Variants in TNNT1 observed in about 807,000 individuals in gnomAD.
TNNT1 encodes troponin T1, slow skeletal type.
In TNNT1, 53 loss-of-function variants were observed where a neutral mutation model predicts 50.6. That is an observed-to-expected ratio of 1.05 (90% CI 0.84 to 1.32). TNNT1 has a LOEUF of 1.32. TNNT1 is among the 40% of genes most tolerant of loss of function. The probability of loss-of-function intolerance (pLI) is 0.00; values close to 1 mark genes in which losing one functional copy is unlikely to be tolerated. For missense variants in TNNT1, 348 were observed against 381.7 expected (o/e 0.91, Z 0.74); for synonymous variants, 142 against 138.0 (o/e 1.03, Z -0.20).
chr19:55,146,998 C>A lies in TNNT1; in HGVS notation c.46+10G>T, dbSNP rs1434882332. 1.4e-5 allele frequency: 23 copies of A among 1,607,016 alleles called. No homozygotes were observed. Among genetic ancestry groups the A allele is most frequent in the Non-Finnish European group, 2.0e-5 (23 of 1,177,002 alleles). ...CCCCATCCCATAGGGCCGGCCCACTCCCTACTCACCTTCCGGCTGCTCCCT... is the reference window on the plus strand; with the variant it reads ...CCCCATCCCATAGGGCCGGCCCACTACCTACTCACCTTCCGGCTGCTCCCT... On this transcript the variant is annotated intron_variant, in intron 3 of 13. Transcript: ENST00000588981.
chr19:55,133,412 G>A, intron 13 of TNNT1: 1 of 295,112 alleles, frequency 3.4e-6, no homozygotes, highest in Non-Finnish European at 6.5e-6. Context: ...GGGCGCGGTG[G>A]CTCACGCCTG....
chr19:55,141,505 C>CTT (rs751662002), intron 7 of TNNT1, among the ~76,000 whole-genome samples: 15 of 143,870 alleles, frequency 1.0e-4, no homozygotes, highest in African/African-American at 3.3e-4. Flanking sequence ...GGACCGGCGC[C>CTT]TTTTTTTTTT....
chr19:55,145,737 G>A (rs2085537615), intron 5 of TNNT1, among the ~76,000 whole-genome samples, 172 bp from the exon 6 acceptor site: 1 of 151,562 alleles, frequency 6.6e-6, no homozygotes, highest in Admixed American at 6.6e-5. Context: ...AAGAGGGAAG[G>A]AAAGTCAGGG....
chr19:55,132,996 C>T (rs1439573292), intron 13 of TNNT1, 36 bp from the exon 14 acceptor site: 2 of 1,567,106 alleles, frequency 1.3e-6, no homozygotes, highest in South Asian at 2.3e-5. Flanking sequence ...GAAAAAGGGG[C>T]CCCTCCAGTC....
intron 13 of TNNT1, 131 bp downstream of exon 13, chr19:55,133,756 G>T: frequency 9.8e-7 from 1 of 1,021,208 alleles, no homozygotes; most frequent in Non-Finnish European, 1.5e-6. Flanking sequence ...GGAGGACAGA[G>T]AAGGAAGGAC....
chr19:55,133,584 A>G (rs2085286468), intron 13 of TNNT1: 3 of 479,824 alleles, frequency 6.3e-6, no homozygotes, highest in Non-Finnish European at 7.6e-6. Flanking sequence ...GGGCTGAGGC[A>G]GGAGAATCGC....
intron 9 of TNNT1, among the ~76,000 whole-genome samples, chr19:55,139,324 T>C (rs1438888543): frequency 2.0e-5 from 3 of 152,144 alleles, no homozygotes; most frequent in East Asian, 3.8e-4. Flanking sequence ...CTGCTGTAAT[T>C]TGCAAATTTA....
Position 55,138,053 on chromosome 19 carries a change from C to G in TNNT1, c.409G>C (p.Glu137Gln). Residue 137 changes from glutamate to glutamine, a missense_variant, in exon 10 of 14, where the codon GAG becomes CAG. By Grantham distance (29) the Glu-to-Gln change is conservative. This residue lies in a region of TNNT1 where 253 missense variants were observed against 291.8 expected (regional missense o/e 0.87). Coordinates refer to ENST00000588981, the MANE Select transcript of TNNT1 (RefSeq NM_003283.6). Reference sequence around the variant, plus strand: ...TCTGCCCGCTTCTTGGCCTCTTCCTCTTCCTTCCTCATCTTCTCCTCCTGT... The same window carrying G: ...TCTGCCCGCTTCTTGGCCTCTTCCTGTTCCTTCCTCATCTTCTCCTCCTGT... ...KLAEEKMRKE[E>Q]EEAKKRAEDD... 3.1e-6 allele frequency: 5 copies of G among 1,614,214 alleles called. No individual in the cohort carries two copies. Among genetic ancestry groups the G allele is most frequent in the Non-Finnish European group, 4.2e-6 (5 of 1,180,026 alleles).
chr19:55,134,016 C>T lies in TNNT1; in HGVS notation c.750+50G>A. On this transcript the variant is annotated intron_variant, in intron 12 of 13. Coordinates refer to ENST00000588981, the MANE Select transcript of TNNT1 (RefSeq NM_003283.6). Reference sequence around the variant, plus strand: ...CTGCCTGGAGTTTGCTGGTCCCTCCCAGCCCAGCCCTGCCCTCTCTCCCTC... The same window carrying T: ...CTGCCTGGAGTTTGCTGGTCCCTCCTAGCCCAGCCCTGCCCTCTCTCCCTC... 3.1e-6 allele frequency: 5 copies of T among 1,612,220 alleles called. No individual in the cohort carries two copies. In the Admixed American group the frequency reaches 8.4e-5, roughly 27 times the overall value.
At chr19:55,138,615 G>A (rs1024056873) in intron 9 of TNNT1, among the ~76,000 whole-genome samples, 7 of 152,166 alleles carry the variant, frequency 4.6e-5, no homozygotes, top group Non-Finnish European at 8.8e-5. Flanking sequence ...AGAAAAAATC[G>A]AAATGAAGGA....
intron 1 of TNNT1, chr19:55,147,940 C>A: frequency 6.3e-6 from 1 of 159,388 alleles, no homozygotes; most frequent in South Asian, 1.7e-4. Context: ...GGGCTCAGGT[C>A]TGGACTCTTG....
chr19:55,139,269 G>A (rs1046352240), intron 9 of TNNT1, among the ~76,000 whole-genome samples: 1 of 152,172 alleles, frequency 6.6e-6, no homozygotes. Context: ...CAAAGTGCTG[G>A]GATTACAGGC....
intron 6 of TNNT1, among the ~76,000 whole-genome samples, chr19:55,144,894 C>G (rs996948317): frequency 6.6e-6 from 1 of 152,034 alleles, no homozygotes; most frequent in African/African-American, 2.4e-5. Context: ...AAGTCTCTCT[C>G]GAGTCATGGA....
chr19:55,141,952 G>C, intron 6 of TNNT1, 32 bp from the exon 7 acceptor site: 1 of 1,611,446 alleles, frequency 6.2e-7, no homozygotes, highest in Non-Finnish European at 8.5e-7. Flanking sequence ...GACCATGAGT[G>C]GCCCGACCTC....
chr19:55,144,540 C>T (rs2085513090), intron 6 of TNNT1, among the ~76,000 whole-genome samples: 1 of 152,128 alleles, frequency 6.6e-6, no homozygotes, highest in African/African-American at 2.4e-5. Flanking sequence ...CCACTGTGCC[C>T]GGCTAATTTT....
At position 55,140,900 on chromosome 19, in the gene TNNT1, G is replaced by A. The variant is rs2085439112; in HGVS notation, c.370C>T (p.Arg124Cys). ...GCACCCACCGCCAGCTTAGCCTGAC[G>A]TTCGCGTTCCTTCTCAGTTCTGAAG... ...QRFRTEKERE[R>C]QAKLAEEKMR... The change falls in exon 9 of 14, where the codon CGT becomes TGT. Residue 124 changes from arginine to cysteine, a missense_variant. Arg to Cys is a radical substitution (Grantham distance 180). Transcript: ENST00000588981. 6.2e-7 allele frequency: 1 copy of A among 1,613,744 alleles called. No homozygotes were observed. The highest frequency in any genetic ancestry group is 8.5e-7 in the Non-Finnish European group (1 of 1,180,026).
chr19:55,132,999 C>T (rs2085275368), intron 13 of TNNT1, 39 bp from the exon 14 acceptor site: 15 of 1,558,490 alleles, frequency 9.6e-6, no homozygotes, highest in Non-Finnish European at 1.2e-5. Context: ...AAAGGGGCCC[C>T]TCCAGTCTCT....
chr19:55,133,237 T>A (rs1488293103), intron 13 of TNNT1, among the ~76,000 whole-genome samples: 1 of 87,450 alleles, frequency 1.1e-5, no homozygotes, highest in African/African-American at 4.9e-5. Context: ...GGGGCCAGGG[T>A]GGGGGGAGGA....
Position 55,137,101 on chromosome 19 carries a change from A to T in TNNT1, c.611+2T>A, listed in dbSNP as rs111759479. On this transcript the variant is annotated splice_donor_variant, in intron 11 of 13. Transcript: ENST00000588981. LOFTEE classifies it high-confidence loss of function. ...ACACCCCGAGCCCCCCACAGCACCT[A>T]CCGGAGCTGTTCCTCCCCCATGTAG... The T allele has an allele frequency of 6.3e-7, 1 of 1,583,328 alleles. No homozygotes were observed. The highest frequency in any genetic ancestry group is 8.6e-7 in the Non-Finnish European group (1 of 1,156,708).
Sources: allele counts gnomAD v4.1 joint callset (sites outside exome capture counted in the v4.1 genomes callset), GRCh38; gene constraint gnomAD v4.1.1; regional missense constraint gnomAD v4.1.1; transcripts MANE v1.5; gene names NCBI Gene and HGNC (gene_info 2026-07-23, HGNC 2026-07-21).